Variants in PASK observed in about 807,000 individuals in gnomAD.
PASK encodes the protein PAS domain containing serine/threonine kinase, also known as PAS domain-containing serine/threonine-protein kinase.
Under a neutral mutation model 121.0 loss-of-function variants are expected in PASK, and 110 were observed. The ratio of observed to expected loss-of-function variants is 0.91; its 90% CI spans 0.78 to 1.06. The LOEUF (loss-of-function observed/expected upper bound fraction) is 1.06. PASK is among the 50% of genes least tolerant of loss of function. The pLI, the probability that PASK is intolerant of heterozygous loss-of-function variation, is 0.00. For missense variants in PASK, 1,643 were observed against 1,702.3 expected (o/e 0.97, Z 0.61); for synonymous variants, 686 against 717.8 (o/e 0.96, Z 0.71).
chr2:241,129,683 C>A (rs2066035064), intron 9 of PASK, among the ~76,000 whole-genome samples: 1 of 152,246 alleles, frequency 6.6e-6, no homozygotes, highest in African/African-American at 2.4e-5. Flanking sequence ...ACTCAGGAAA[C>A]ATGAGGACAT....
chr2:241,115,138 C>A lies in PASK; in HGVS notation c.3238G>T (p.Val1080Leu). 1.2e-6 allele frequency: 2 copies of A among 1,614,152 alleles called. No homozygotes were observed. The highest frequency in any genetic ancestry group is 1.7e-6 in the Non-Finnish European group (2 of 1,179,988). ...AGGCCGGAGCCGTGCTTCTCCATCA[C>A]AAGCTGGAAGAACCCTTGGTTTTCA... The part of the protein sequence containing the change: ...IFENQGFFQL[V>L]MEKHGSGLDL... The change falls in exon 14 of 18, where the codon GTG becomes TTG. Residue 1080 changes from valine (V) to leucine (L), a missense_variant. Physicochemically the swap from Val to Leu is conservative, Grantham distance 32. This residue lies in a region of PASK where 453 missense variants were observed against 511.2 expected (regional missense o/e 0.89). Transcript: ENST00000234040.
rs147915414 is a variant in PASK at position 241,126,478 on chromosome 2, A to G, written c.2437T>C (p.Phe813Leu). ...TCATGTCCCACACAGCTCTCCCGGA[A>G]CCGTCGGCCTTGGCCAAGGTCAACA... ...TCVDLGQGRR[F>L]RESCVGHDPT... Residue 813 changes from phenylalanine (F) to leucine (L), a missense_variant, in exon 10 of 18, where the codon TTC becomes CTC. Phe to Leu is a conservative substitution (Grantham distance 22, BLOSUM62 0). Around this residue, in one of 3 missense-constraint regions of PASK, gnomAD observed 1,176 missense variants for 1,162.2 expected, o/e 1.01. Transcript: ENST00000234040. 3 of 1,614,084 alleles carry G rather than the reference A, an allele frequency of 1.9e-6. No individual in the cohort carries two copies. Among genetic ancestry groups the G allele is most frequent in the African/African-American group, 1.3e-5 (1 of 74,928 alleles).
intron 8 of PASK, chr2:241,133,926 G>GA (rs940196680): frequency 6.6e-6 from 1 of 150,672 alleles, no homozygotes; most frequent in African/African-American, 2.4e-5. Flanking sequence ...AGGTTGCAGT[G>GA]AGACGAGATG....
intron 12 of PASK, among the ~76,000 whole-genome samples, chr2:241,116,887 G>A (rs2065395556): frequency 6.6e-6 from 1 of 152,226 alleles, no homozygotes; most frequent in Non-Finnish European, 1.5e-5. Context: ...AAGGAACGAT[G>A]AGTGCCAAGA....
intron 1 of PASK, among the ~76,000 whole-genome samples, chr2:241,147,835 C>T (rs1213787477): frequency 1.3e-5 from 2 of 152,140 alleles, no homozygotes; most frequent in Non-Finnish European, 2.9e-5. Context: ...AGTTACAAGC[C>T]TATCCAGGAG....
Position 241,112,005 on chromosome 2 carries a change from CCAAA to C in PASK, c.3533+231_3533+234del, listed in dbSNP as rs1278810942. Reference sequence around the variant, plus strand: ...TCTTGGCTTTTTATTATATGAAACTCCAAACAAATAAAAGCTGAGAAAATAAAAT... The same window carrying C: ...TCTTGGCTTTTTATTATATGAAACTCCAAATAAAAGCTGAGAAAATAAAAT... On this transcript the variant is annotated intron_variant, in intron 15 of 17. Coordinates refer to ENST00000234040, the MANE Select transcript of PASK (RefSeq NM_015148.4). This position sits in a 1 kb window ranked among gnomAD's most constrained non-coding sequence, Gnocchi z 5.2. Among the ~76,000 whole-genome samples, 2 of 152,088 alleles carry C rather than the reference CCAAA, an allele frequency of 1.3e-5. No individual in the cohort carries two copies. Among genetic ancestry groups the C allele is most frequent in the Non-Finnish European group, 2.9e-5 (2 of 68,018 alleles).
Position 241,137,134 on chromosome 2 carries a change from C to T in PASK, c.1007G>A (p.Arg336Gln), listed in dbSNP as rs141291099. The T allele has an allele frequency of 2.6e-4, 413 of 1,613,714 alleles. 1 individual carries two copies. The highest frequency in any genetic ancestry group is 3.1e-4 in the Non-Finnish European group (366 of 1,179,944). ...TGEAAPVSGYRASVWVFCTIS... is the reference protein window; with the variant it reads ...TGEAAPVSGYQASVWVFCTIS... ...GGTGCAGAACACCCAGACAGATGCC[C>T]GGTAGCCGCTCACAGGGGCCGCCTC... The change falls in exon 7 of 18, where the codon CGG becomes CAG. Residue 336 changes from arginine (R) to glutamine (Q), a missense_variant. Transcript: ENST00000234040.
rs113311607 is a variant in PASK, at chr2:241,106,359, C to T, written c.*207G>A. 7.4e-4 allele frequency: 465 copies of T among 626,738 alleles called. 1 individual carries two copies. The highest frequency in any genetic ancestry group is 7.3e-3 in the African/African-American group (396 of 54,434). The allele number at this position is 626,738 out of a possible 1,614,324, so 38.8% of individuals were successfully genotyped here. On this transcript the variant is annotated 3_prime_UTR_variant, in exon 18 of 18. Transcript: ENST00000234040. ...AACACTGGAATGTTTTTTTCTAGGT[C>T]ATGAAAAAAGTGAATTCCAAATCTA...
At chr2:241,131,273 C>T (rs1237775583) in intron 9 of PASK, among the ~76,000 whole-genome samples, 1 of 152,054 alleles carries the variant, frequency 6.6e-6, no homozygotes, top group African/African-American at 2.4e-5. Context: ...CTCAGCCTCC[C>T]GAGTAGCTGG....
chr2:241,109,987 CAG>C (rs1377485247), intron 15 of PASK, among the ~76,000 whole-genome samples: 2 of 152,156 alleles, frequency 1.3e-5, no homozygotes, highest in Non-Finnish European at 1.5e-5. Flanking sequence ...AAACAAGAGG[CAG>C]GGGATGTTTG....
Position 241,140,022 on chromosome 2 carries a change from G to C in PASK, c.463C>G (p.Leu155Val). ...ATCAGGTCCTGGCTGCTGTACCCCA[G>C]GAGCCCGCAAGCTTTGTCGTTAGCA... The part of the protein sequence containing the change: ...LVANDKACGL[L>V]GYSSQDLIGQ... The change falls in exon 4 of 18, where the codon CTG becomes GTG. Residue 155 changes from leucine (L) to valine (V), a missense_variant. This residue lies in a region of PASK where 1,176 missense variants were observed against 1,162.2 expected (regional missense o/e 1.01). Transcript: ENST00000234040. 1 of 1,614,108 alleles carries C rather than the reference G, an allele frequency of 6.2e-7. No homozygotes were observed. Among genetic ancestry groups the C allele is most frequent in the African/African-American group, 1.3e-5 (1 of 75,056 alleles).
Position 241,137,100 on chromosome 2 carries a change from G to A in PASK, c.1041C>T (p.Gly347=). 1 of 1,613,626 alleles carries A rather than the reference G, an allele frequency of 6.2e-7. No homozygotes were observed. The highest frequency in any genetic ancestry group is 8.5e-7 in the Non-Finnish European group (1 of 1,179,846). ...ASVWVFCTIS[G]LITLLPDGTI... is the part of the protein sequence containing the mutation. Reference sequence around the variant, plus strand: ...TCCCATCCGGCAGGAGGGTGATGAGGCCACTGATGGTGCAGAACACCCAGA... The same window carrying A: ...TCCCATCCGGCAGGAGGGTGATGAGACCACTGATGGTGCAGAACACCCAGA... Residue 347 remains glycine, a synonymous_variant, in exon 7 of 18, where the codon GGC becomes GGT. Coordinates refer to ENST00000234040, the MANE Select transcript of PASK (RefSeq NM_015148.4).
Position 241,112,208 on chromosome 2 carries a change from G to C in PASK, c.3533+32C>G, listed in dbSNP as rs367683362. On this transcript the variant is annotated intron_variant, in intron 15 of 17. Coordinates refer to ENST00000234040, the MANE Select transcript of PASK (RefSeq NM_015148.4). The surrounding 1 kb of genome is among the most constrained non-coding windows in gnomAD (Gnocchi z 5.2). ...CCCTCAGGGTCCTGACAGAGGACAC[G>C]AGGACGGGCCGCACCGCAGCCGCAT... The C allele has an allele frequency of 1.3e-6, 2 of 1,561,184 alleles. No individual in the cohort carries two copies. Among genetic ancestry groups the C allele is most frequent in the Middle Eastern group, 1.7e-4 (1 of 5,950 alleles).
rs2125404417 is a variant in PASK, at chr2:241,112,562, G to A, written c.3334-123C>T. 2 of 656,312 alleles carry A rather than the reference G, an allele frequency of 3.0e-6. No homozygotes were observed. The highest frequency in any genetic ancestry group is 1.8e-5 in the African/African-American group (1 of 54,768). 40.7% of individuals were successfully genotyped at this position (656,312 alleles called of 1,614,324 possible). A position where few individuals can be genotyped will look rare whatever the true frequency, so the allele number is the denominator to read the frequency against. On this transcript the variant is annotated intron_variant, in intron 14 of 17. Transcript: ENST00000234040. This position sits in a 1 kb window ranked among gnomAD's most constrained non-coding sequence, Gnocchi z 5.2. ...TAAACCTCCGACTCATAATGAACTG[G>A]GGACAGGAAAGATTTTTCAATGCTG...
intron 2 of PASK, chr2:241,140,989 G>C: frequency 1.8e-6 from 1 of 566,508 alleles, no homozygotes; most frequent in Non-Finnish European, 3.2e-6. Flanking sequence ...CAACACTTCT[G>C]TGTCTAAATT....
chr2:241,147,086 C>G (rs2066991356), intron 1 of PASK, among the ~76,000 whole-genome samples: 1 of 152,176 alleles, frequency 6.6e-6, no homozygotes, highest in African/African-American at 2.4e-5. Context: ...AGGTTTACAT[C>G]TCCTTCTCTA....
intron 5 of PASK, 23 bp downstream of exon 5, chr2:241,138,631 A>C (rs375273874): frequency 3.1e-6 from 5 of 1,613,524 alleles, no homozygotes; most frequent in Non-Finnish European, 4.2e-6. Flanking sequence ...TCCATGAGAC[A>C]TGAGGCAAAG....
In PASK at chr2:241,107,357, C is replaced by G. The variant is rs766288028; in HGVS notation, c.3810G>C (p.Lys1270Asn). ...AGGGATGCTGAGAAGCCTCACCTGG[C>G]TTGTTTACTCGAAACACCTCTTCCC... Reference protein sequence around the residue: ...YTWEEVFRVNKPESGVLSAAS... With the variant: ...YTWEEVFRVNNPESGVLSAAS... Residue 1270 changes from lysine (K) to asparagine (N), a missense_variant, in exon 17 of 18, where the codon AAG (lysine) becomes AAC (asparagine). By Grantham distance (94) the Lys-to-Asn change is moderately conservative. Around this residue, in one of 3 missense-constraint regions of PASK, gnomAD observed 453 missense variants for 511.2 expected, o/e 0.89. Coordinates refer to ENST00000234040, the MANE Select transcript of PASK (RefSeq NM_015148.4). 1 of 1,613,888 alleles carries G rather than the reference C, an allele frequency of 6.2e-7. No homozygotes were observed. Among genetic ancestry groups the G allele is most frequent in the Non-Finnish European group, 8.5e-7 (1 of 1,179,782 alleles).
chr2:241,136,416 G>A (rs1338402316), intron 7 of PASK, among the ~76,000 whole-genome samples: 2 of 152,196 alleles, frequency 1.3e-5, no homozygotes, highest in Non-Finnish European at 2.9e-5. Flanking sequence ...AGGACAGAAG[G>A]ACTGTGGGGC....
Sources: gnomAD v4.1 joint callset for allele counts (sites outside exome capture counted in the v4.1 genomes callset) on GRCh38, gnomAD v4.1.1 for gene constraint, gnomAD v4.1.1 regional missense constraint, Gnocchi (gnomAD v3.1) non-coding constraint, MANE v1.5 for transcripts, NCBI Gene and HGNC (gene_info 2026-07-23, HGNC 2026-07-21) for gene names.